The following SERPINB4 variants were observed in gnomAD, a reference collection of about 807,000 sequenced individuals.
SERPINB4 encodes serpin B4.
A neutral mutation model predicts 33.2 loss-of-function variants in SERPINB4; 39 were observed. The ratio of observed to expected loss-of-function variants is 1.18; its 90% CI spans 0.91 to 1.53. The LOEUF (loss-of-function observed/expected upper bound fraction) is 1.53. Among genes scored for constraint, SERPINB4 ranks in the 40% most tolerant of loss-of-function variants. The probability of loss-of-function intolerance (pLI) is 0.00; values close to 1 mark genes in which losing one functional copy is unlikely to be tolerated. For synonymous variants in SERPINB4, 191 were observed against 166.4 expected, an observed-to-expected ratio of 1.15 and a Z score of -1.14; for missense variants, 564 against 455.4, an observed-to-expected ratio of 1.24 and a Z score of -2.17.
chr18:63,639,662 G>A lies in SERPINB4; in HGVS notation c.584C>T (p.Thr195Ile), dbSNP rs757121173. The A allele has an allele frequency of 1.7e-5, 27 of 1,609,168 alleles. No homozygotes were observed. The highest frequency in any genetic ancestry group is 2.1e-5 in the Non-Finnish European group (25 of 1,176,444). The part of the protein sequence containing the change: ...QWENKFKKEN[T>I]KEEKFWPNKN... ...GTTTGGCCAAAATTTTTCCTCTTTA[G>A]TGTTTTCTTTTTTAAATTTATTCTC... Residue 195 changes from threonine to isoleucine, a missense_variant, in exon 6 of 8, where the codon ACT becomes ATT. Transcript: ENST00000341074.
At chr18:63,639,991 G>GGA (rs1225975393) in intron 5 of SERPINB4, among the ~76,000 whole-genome samples, 1 of 151,998 alleles carries the variant, frequency 6.6e-6, no homozygotes, top group Non-Finnish European at 1.5e-5. Flanking sequence ...TACCCTTGAT[G>GGA]GAGACATCAC....
rs1468411382 is a variant in SERPINB4 at position 63,643,463 on chromosome 18, C to T, written c.115G>A (p.Gly39Arg). The T allele has an allele frequency of 6.2e-7, 1 of 1,613,710 alleles. No homozygotes were observed. The highest frequency in any genetic ancestry group is 8.5e-7 in the Non-Finnish European group (1 of 1,179,754). ...TCTTTGGCTCCTAAGAGGACCATCC[C>T]TAATGCTGATGTGATGCTGATAGGG... is the stretch of plus-strand genomic sequence containing the variant. The part of the protein sequence containing the change: ...YSPISITSAL[G>R]MVLLGAKDNT... Residue 39 changes from glycine to arginine, a missense_variant, in exon 2 of 8, where the codon GGG becomes AGG. Physicochemically the swap from Gly to Arg is moderately radical, Grantham distance 125 (BLOSUM62 -2). Transcript: ENST00000341074.
intron 3 of SERPINB4, 184 bp downstream of exon 3, chr18:63,642,977 T>C (rs73962312): frequency 0.017 from 11,762 of 698,426 alleles, 857 homozygotes; most frequent in African/African-American, 0.17. Flanking sequence ...GACTGTCTTT[T>C]AGTAACGCAG....
intron 5 of SERPINB4, among the ~76,000 whole-genome samples, chr18:63,640,055 T>C (rs1250023316): frequency 6.6e-6 from 1 of 152,088 alleles, no homozygotes; most frequent in Non-Finnish European, 1.5e-5. Context: ...TCTCCAATCA[T>C]CTGATTTGGA....
intron 7 of SERPINB4, among the ~76,000 whole-genome samples, chr18:63,638,564 C>T (rs1444213143): frequency 6.6e-6 from 1 of 151,822 alleles, no homozygotes; most frequent in Non-Finnish European, 1.5e-5. Context: ...TTGTAATTCC[C>T]TAAATTCCTA....
chr18:63,641,991 T>G, intron 3 of SERPINB4, 103 bp from the exon 4 acceptor site: 2 of 1,509,366 alleles, frequency 1.3e-6, no homozygotes, highest in East Asian at 4.5e-5. Flanking sequence ...GTAGTCTCAT[T>G]GAGGACCTTT....
At position 63,643,485 on chromosome 18, in the gene SERPINB4, A is replaced by G; in HGVS notation, c.93T>C (p.Pro31=). ...KSKENNIFYS[P]ISITSALGMV... ...TCCCTAATGCTGATGTGATGCTGAT[A>G]GGGGAATAGAAGATGTTGTTCTCTT... The change falls in exon 2 of 8, where the codon CCT becomes CCC. Residue 31 remains proline, a synonymous_variant. Transcript: ENST00000341074. The G allele has an allele frequency of 6.2e-7, 1 of 1,613,752 alleles. No individual in the cohort carries two copies. The highest frequency in any genetic ancestry group is 8.5e-7 in the Non-Finnish European group (1 of 1,179,762).
At chr18:63,640,826 C>T (rs1913101454) in intron 5 of SERPINB4, 48 bp downstream of exon 5, 2 of 1,516,830 alleles carry the variant, frequency 1.3e-6, no homozygotes, top group African/African-American at 2.8e-5. Flanking sequence ...ACAAGGCTCA[C>T]TGGCATAGGT....
chr18:63,641,777 T>A lies in SERPINB4; in HGVS notation c.334A>T (p.Thr112Ser). 6.2e-7 allele frequency: 1 copy of A among 1,613,392 alleles called. No homozygotes were observed. The highest frequency in any genetic ancestry group is 8.5e-7 in the Non-Finnish European group (1 of 1,179,472). The change falls in exon 4 of 8, where the codon ACG becomes TCG. Residue 112 changes from threonine (T) to serine (S), a missense_variant. By Grantham distance (58) the Thr-to-Ser change is moderately conservative (BLOSUM62 1). Coordinates refer to ENST00000341074, the MANE Select transcript of SERPINB4 (RefSeq NM_002974.4). ...GAAATTACCTGTAAAAATTGATACG[T>A]CTTTTCTCCGAAGAGCTTGTTGGCG... ...KIANKLFGEK[T>S]YQFLQEYLDA... is the part of the protein sequence containing the mutation.
rs146103700 is a variant in SERPINB4 at position 63,641,141 on chromosome 18, A to G, written c.352-150T>C. On this transcript the variant is annotated intron_variant, in intron 4 of 7. Coordinates refer to ENST00000341074, the MANE Select transcript of SERPINB4 (RefSeq NM_002974.4). ...CCATGGATATTTTTATACAGGTGTC[A>G]TGTAGGCAATGCAAAAGGGGAATGT... 2.3e-5 allele frequency: 15 copies of G among 649,146 alleles called. No homozygotes were observed. In the East Asian group the frequency reaches 3.6e-4, roughly 16 times the overall value. The allele number at this position is 649,146 out of a possible 1,614,324, so 40.2% of individuals were successfully genotyped here. A position where few individuals can be genotyped will look rare whatever the true frequency, so the allele number is the denominator to read the frequency against.
intron 3 of SERPINB4, among the ~76,000 whole-genome samples, chr18:63,642,651 T>A (rs545908845): frequency 6.6e-6 from 1 of 152,116 alleles, no homozygotes; most frequent in African/African-American, 2.4e-5. Flanking sequence ...CTTGGACTTG[T>A]GCTTATTCCT....
chr18:63,638,563 C>T (rs1862006869), intron 7 of SERPINB4, among the ~76,000 whole-genome samples: 1 of 151,700 alleles, frequency 6.6e-6, no homozygotes, highest in Non-Finnish European at 1.5e-5. Flanking sequence ...ATTGTAATTC[C>T]CTAAATTCCT....
At position 63,641,091 on chromosome 18, in the gene SERPINB4, C is replaced by G. The variant is rs1246584563; in HGVS notation, c.352-100G>C. On this transcript the variant is annotated intron_variant, in intron 4 of 7. Coordinates refer to ENST00000341074, the MANE Select transcript of SERPINB4 (RefSeq NM_002974.4). Reference sequence around the variant, plus strand: ...TAACAACAGTAAGCTGAATCCAGACCCTGAATAGATGCAGTATCTCCTGTC... The same window carrying G: ...TAACAACAGTAAGCTGAATCCAGACGCTGAATAGATGCAGTATCTCCTGTC... 2.2e-5 allele frequency: 21 copies of G among 942,542 alleles called. No homozygotes were observed. In the South Asian group the frequency reaches 2.9e-4, roughly 13 times the overall value. 58.4% of individuals were successfully genotyped at this position (942,542 alleles called of 1,614,324 possible).
intron 6 of SERPINB4, 24 bp from the exon 7 acceptor site, chr18:63,639,364 C>A (rs2144466011): frequency 1.3e-6 from 2 of 1,582,850 alleles, no homozygotes; most frequent in South Asian, 2.3e-5. Flanking sequence ...ATGTGTCCAA[C>A]AAATAACACG....
Position 63,643,125 on chromosome 18 carries a change from G to T in SERPINB4, c.222+36C>A, listed in dbSNP as rs376372874. ...CAGGTTTAAACTATGACCTGTTCAGGGATCTAAAGCTGAACCATAGTGCTC... is the reference window on the plus strand; with the variant it reads ...CAGGTTTAAACTATGACCTGTTCAGTGATCTAAAGCTGAACCATAGTGCTC... On this transcript the variant is annotated intron_variant, in intron 3 of 7. Transcript: ENST00000341074. 5.0e-6 allele frequency: 8 copies of T among 1,612,182 alleles called. No homozygotes were observed. The East Asian group carries it at 6.7e-5, about 13-fold the overall frequency.
rs2144472281 is a variant in SERPINB4 at position 63,641,741 on chromosome 18, G to A, written c.351+19C>T. ...ACATCAGGATGCAAATGAAATGTGGGTAGGCCAGGTGAAATTACCTGTAAA... is the reference window on the plus strand; with the variant it reads ...ACATCAGGATGCAAATGAAATGTGGATAGGCCAGGTGAAATTACCTGTAAA... On this transcript the variant is annotated intron_variant, in intron 4 of 7. Coordinates refer to ENST00000341074, the MANE Select transcript of SERPINB4 (RefSeq NM_002974.4). 2 of 1,613,032 alleles carry A rather than the reference G, an allele frequency of 1.2e-6. No homozygotes were observed. Among genetic ancestry groups the A allele is most frequent in the South Asian group, 1.1e-5 (1 of 91,078 alleles).
chr18:63,641,615 T>C (rs1913132734), intron 4 of SERPINB4, 145 bp downstream of exon 4: 1 of 1,191,864 alleles, frequency 8.4e-7, no homozygotes. Flanking sequence ...TGGGGGAGAG[T>C]TGTGGAAATG....
chr18:63,638,597 C>G (rs372146139), intron 7 of SERPINB4, among the ~76,000 whole-genome samples: 2 of 151,718 alleles, frequency 1.3e-5, no homozygotes, highest in African/African-American at 4.8e-5. Context: ...CTTTTCTACT[C>G]GGCCTATTTG....
rs138003982 is a variant in SERPINB4 at position 63,639,211 on chromosome 18, G to A, written c.742C>T (p.Pro248Ser). 6.2e-6 allele frequency: 10 copies of A among 1,609,336 alleles called. No homozygotes were observed. Among genetic ancestry groups the A allele is most frequent in the Middle Eastern group, 1.7e-4 (1 of 5,898 alleles). Residue 248 changes from proline (P) to serine (S), a missense_variant, in exon 7 of 8, where the codon CCA (proline) becomes TCA (serine). Pro to Ser is a moderately conservative substitution (Grantham distance 74). Transcript: ENST00000341074. ...TTCTGCAGACCATCGATTTCATTTG[G>A]CAGCAGCACAATCATGCTTAGATCT... ...GKDLSMIVLL[P>S]NEIDGLQKLE...
Sources: allele counts gnomAD v4.1 joint callset (sites outside exome capture counted in the v4.1 genomes callset), GRCh38; gene constraint gnomAD v4.1.1; transcripts MANE v1.5; gene names NCBI Gene and HGNC (gene_info 2026-07-23, HGNC 2026-07-21).